IZUMO1R: variants seen among roughly 807,000 people sequenced by gnomAD.
IZUMO1R encodes the protein sperm-egg fusion protein Juno.
IZUMO1R carries 24 observed loss-of-function variants against 22.1 expected under a neutral mutation model. The observed-to-expected ratio is 1.09, with a 90% CI of 0.79 to 1.53. The LOEUF (loss-of-function observed/expected upper bound fraction) is 1.53, where lower values mean the gene tolerates loss of function less well. IZUMO1R is among the 40% of genes most tolerant of loss of function. The pLI is 0.00. For synonymous variants in IZUMO1R, 133 were observed against 121.2 expected (o/e 1.10, Z -0.64); for missense variants, 308 against 314.9 (o/e 0.98, Z 0.17).
At chr11:94,307,140 A>C (rs1024215521) in intron 3 of IZUMO1R, 25 bp from the exon 4 acceptor site, 1 of 1,576,960 alleles carries the variant, frequency 6.3e-7, no homozygotes, top group Non-Finnish European at 8.6e-7. Flanking sequence ...TTAATGTTCT[A>C]ATCTCTGGCT....
chr11:94,307,241 A>C lies in IZUMO1R; in HGVS notation c.425A>C (p.Asp142Ala), dbSNP rs933950417. The C allele has an allele frequency of 4.4e-6, 7 of 1,609,116 alleles. No homozygotes were observed. The African/African-American group carries it at 9.3e-5, about 21-fold the overall frequency. The change falls in exon 4 of 5, where the codon GAC (aspartate) becomes GCC (alanine). Residue 142 changes from aspartate (D) to alanine (A), a missense_variant. Physicochemically the swap from Asp to Ala is moderately radical, Grantham distance 126. Coordinates refer to ENST00000687084, the MANE Select transcript of IZUMO1R (RefSeq NM_001199206.4). ...CQEDCEEWWE[D>A]CRMSYTCKSN... ...GAGGACTGTGAGGAGTGGTGGGAAG[A>C]CTGTCGCATGTCTTACACATGCAAA... is the stretch of plus-strand genomic sequence containing the variant.
rs1331656188 is a variant in IZUMO1R, at chr11:94,306,703, T to C, written c.329T>C (p.Val110Ala). 1 of 1,613,904 alleles carries C rather than the reference T, an allele frequency of 6.2e-7. No homozygotes were observed. The highest frequency in any genetic ancestry group is 1.7e-5 in the Admixed American group (1 of 60,014). The change falls in exon 3 of 5, where the codon GTG becomes GCG. Residue 110 changes from valine to alanine, a missense_variant. Val to Ala is a moderately conservative substitution (Grantham distance 64, BLOSUM62 0). Transcript: ENST00000687084. ...AACCTGGGGCCCTGGATCCAGCCAG[T>C]GGGAAGCCTGGGGTGGGAGGTAGGA... ...SPNLGPWIQP[V>A]GSLGWEVAPS...
At chr11:94,305,219 A>T (rs1438257525) in intron 1 of IZUMO1R, among the ~76,000 whole-genome samples, 3 of 152,226 alleles carry the variant, frequency 2.0e-5, no homozygotes, top group East Asian at 1.9e-4. Context: ...TGGGTGCTTG[A>T]GGCCTGGGGC....
Position 94,305,694 on chromosome 11 carries a change from G to A in IZUMO1R, c.58G>A (p.Gly20Arg). 5.6e-6 allele frequency: 9 copies of A among 1,613,416 alleles called. No homozygotes were observed. Among genetic ancestry groups the A allele is most frequent in the Non-Finnish European group, 7.6e-6 (9 of 1,179,770 alleles). The change falls in exon 2 of 5, where the codon GGG becomes AGG. Residue 20 changes from glycine to arginine, a missense_variant. Physicochemically the swap from Gly to Arg is moderately radical, Grantham distance 125 (BLOSUM62 -2). Coordinates refer to ENST00000687084, the MANE Select transcript of IZUMO1R (RefSeq NM_001199206.4). Reference protein sequence around the residue: ...ELWTVMPTWAGDELLNICMNA... With the variant: ...ELWTVMPTWARDELLNICMNA... Reference sequence around the variant, plus strand: ...GTGGACAGTCATGCCCACCTGGGCTGGGGACGAGCTGCTCAACATCTGCAT... The same window carrying A: ...GTGGACAGTCATGCCCACCTGGGCTAGGGACGAGCTGCTCAACATCTGCAT...
rs1394551528 is a variant in IZUMO1R, at chr11:94,304,663, GT to G, written c.-220del. 3.9e-5 allele frequency among the ~76,000 whole-genome samples: 6 copies of G among 152,254 alleles called. No individual in the cohort carries two copies. In the South Asian group the frequency reaches 1.2e-3, roughly 32 times the overall value. ...CCGGATCTTGCCTACGATGGGGTCT[GT>G]TTCTCTGAGGAAGCAAACTTCCTCG... is the stretch of plus-strand genomic sequence containing the variant. On this transcript the variant is annotated 5_prime_UTR_variant, in exon 1 of 5. An upstream open reading frame in the 5' UTR gains an earlier in-frame stop. Coordinates refer to ENST00000687084, the MANE Select transcript of IZUMO1R (RefSeq NM_001199206.4).
rs764238787 is a variant in IZUMO1R at position 94,306,633 on chromosome 11, C to G, written c.259C>G (p.Arg87Gly). Residue 87 changes from arginine (R) to glycine (G), a missense_variant, in exon 3 of 5, where the codon CGG (arginine) becomes GGG (glycine). Physicochemically the swap from Arg to Gly is moderately radical, Grantham distance 125 (BLOSUM62 -2). Transcript: ENST00000687084. Reference sequence around the variant, plus strand: ...CTGTGGACTGCTGATGCCTGGCTGTCGGAAGCACTTCATCCAGGCTATCTG... The same window carrying G: ...CTGTGGACTGCTGATGCCTGGCTGTGGGAAGCACTTCATCCAGGCTATCTG... ...FHCGLLMPGC[R>G]KHFIQAICFY... 6.2e-7 allele frequency: 1 copy of G among 1,614,000 alleles called. No individual in the cohort carries two copies. The highest frequency in any genetic ancestry group is 1.7e-5 in the Admixed American group (1 of 60,022).
rs754365013 is a variant in IZUMO1R at position 94,307,210 on chromosome 11, T to C, written c.394T>C (p.Cys132Arg). ...AGAGCGAGTTGTGAATGTGCCGCTG[T>C]GCCAGGAGGACTGTGAGGAGTGGTG... ...QGERVVNVPL[C>R]QEDCEEWWED... The change falls in exon 4 of 5, where the codon TGC becomes CGC. Residue 132 changes from cysteine to arginine, a missense_variant. Cys to Arg is a radical substitution (Grantham distance 180). Coordinates refer to ENST00000687084, the MANE Select transcript of IZUMO1R (RefSeq NM_001199206.4). 6.2e-7 allele frequency: 1 copy of C among 1,605,384 alleles called. No homozygotes were observed. The highest frequency in any genetic ancestry group is 1.1e-5 in the South Asian group (1 of 89,248).
chr11:94,305,256 T>C (rs1944003155), intron 1 of IZUMO1R, among the ~76,000 whole-genome samples: 1 of 152,056 alleles, frequency 6.6e-6, no homozygotes, highest in African/African-American at 2.4e-5. Context: ...TTGTTTTGTC[T>C]CTCTTTCCAC....
intron 4 of IZUMO1R, 25 bp from the exon 5 acceptor site, chr11:94,307,399 G>A (rs373763749): frequency 6.2e-7 from 1 of 1,612,938 alleles, no homozygotes; most frequent in African/African-American, 1.3e-5. Flanking sequence ...TAGGAGGTAA[G>A]CTGTCCCTCC....
In IZUMO1R at chr11:94,305,738, G is replaced by C; in HGVS notation, c.102G>C (p.Lys34Asn). The C allele has an allele frequency of 6.2e-7, 1 of 1,613,458 alleles. No individual in the cohort carries two copies. The highest frequency in any genetic ancestry group is 8.5e-7 in the Non-Finnish European group (1 of 1,179,764). ...TCTGCATGAATGCCAAACACCACAAGAGAGTGCCCAGCCCAGAAGACAAGC... is the reference window on the plus strand; with the variant it reads ...TCTGCATGAATGCCAAACACCACAACAGAGTGCCCAGCCCAGAAGACAAGC... ...LNICMNAKHH[K>N]RVPSPEDKLY... Residue 34 changes from lysine to asparagine, a missense_variant, in exon 2 of 5, where the codon AAG becomes AAC. Lys to Asn is a moderately conservative substitution (Grantham distance 94). Coordinates refer to ENST00000687084, the MANE Select transcript of IZUMO1R (RefSeq NM_001199206.4).
At chr11:94,305,547 C>T (rs1399110390) in intron 1 of IZUMO1R, 84 bp from the exon 2 acceptor site, 1 of 1,507,462 alleles carries the variant, frequency 6.6e-7, no homozygotes, top group African/African-American at 1.4e-5. Context: ...TGAAGCCCAT[C>T]CCCCTTTCCC....
chr11:94,306,858 G>A lies in IZUMO1R; in HGVS notation c.348+136G>A. ...CCTATGGACAAGAGCAGAGCCAGAG[G>A]CCCCTGCTGGAGAATCACATGGGGG... is the stretch of plus-strand genomic sequence containing the variant. On this transcript the variant is annotated intron_variant, in intron 3 of 4. Transcript: ENST00000687084. 3 of 915,672 alleles carry A rather than the reference G, an allele frequency of 3.3e-6. No homozygotes were observed. In the Middle Eastern group the frequency reaches 9.8e-4, roughly 299 times the overall value. 56.7% of individuals were successfully genotyped at this position (915,672 alleles called of 1,614,324 possible). A position where few individuals can be genotyped will look rare whatever the true frequency, so the allele number is the denominator to read the frequency against.
At chr11:94,306,439 C>A in intron 2 of IZUMO1R, 74 bp from the exon 3 acceptor site, 1 of 1,421,326 alleles carries the variant, frequency 7.0e-7, no homozygotes, top group Non-Finnish European at 9.9e-7. Flanking sequence ...TTCATTTCAC[C>A]ACCTTTCTTC....
At position 94,307,214 on chromosome 11, in the gene IZUMO1R, A is replaced by C; in HGVS notation, c.398A>C (p.Gln133Pro). ...GERVVNVPLC[Q>P]EDCEEWWEDC... ...CGAGTTGTGAATGTGCCGCTGTGCC[A>C]GGAGGACTGTGAGGAGTGGTGGGAA... The change falls in exon 4 of 5, where the codon CAG (glutamine) becomes CCG (proline). Residue 133 changes from glutamine (Q) to proline (P), a missense_variant. Transcript: ENST00000687084. The C allele has an allele frequency of 1.2e-6, 2 of 1,606,140 alleles. No individual in the cohort carries two copies. The highest frequency in any genetic ancestry group is 1.7e-6 in the Non-Finnish European group (2 of 1,176,368).
At position 94,307,447 on chromosome 11, in the gene IZUMO1R, GCCC is replaced by G. The variant is rs1286504771; in HGVS notation, c.509_511del (p.Ala170_Gln171delinsGlu). On this transcript the variant is annotated inframe_deletion, in exon 5 of 5. Coordinates refer to ENST00000687084, the MANE Select transcript of IZUMO1R (RefSeq NM_001199206.4). ...AGGGAAGAACCGCTGCCCCAAAGGG[GCCC>G]AGTGCCTCCCTTTCTCCCATTACTT... The G allele has an allele frequency of 6.2e-7, 1 of 1,613,898 alleles. No homozygotes were observed.
chr11:94,307,361 G>A lies in IZUMO1R; in HGVS notation c.484+61G>A. The A allele has an allele frequency of 6.2e-6, 10 of 1,612,038 alleles. No individual in the cohort carries two copies. The South Asian group carries it at 9.9e-5, about 16-fold the overall frequency. ...GCCCCTTGGTGGTCCCCACAAGGGT[G>A]CAGGTGCAAAGGCTAGCAATGAGGG... On this transcript the variant is annotated intron_variant, in intron 4 of 4. Coordinates refer to ENST00000687084, the MANE Select transcript of IZUMO1R (RefSeq NM_001199206.4).
At position 94,305,729 on chromosome 11, in the gene IZUMO1R, ACAC is replaced by A. The variant is rs751755178; in HGVS notation, c.97_99del (p.His33del). 1.7e-5 allele frequency: 27 copies of A among 1,613,262 alleles called. 1 individual carries two copies. The highest frequency in any genetic ancestry group is 6.6e-5 in the South Asian group (6 of 91,036). Reference sequence around the variant, plus strand: ...TGCTCAACATCTGCATGAATGCCAAACACCACAAGAGAGTGCCCAGCCCAGAAG... The same window carrying A: ...TGCTCAACATCTGCATGAATGCCAAACACAAGAGAGTGCCCAGCCCAGAAG... On this transcript the variant is annotated inframe_deletion, in exon 2 of 5. Transcript: ENST00000687084.
chr11:94,306,097 C>T (rs1310264673), intron 2 of IZUMO1R, among the ~76,000 whole-genome samples: 1 of 151,826 alleles, frequency 6.6e-6, no homozygotes, highest in African/African-American at 2.4e-5. Flanking sequence ...GTGACCCCTC[C>T]CCAAGCTCCT....
chr11:94,307,393 A>C (rs1262184619), intron 4 of IZUMO1R, 31 bp from the exon 5 acceptor site: 2 of 1,612,718 alleles, frequency 1.2e-6, no homozygotes, highest in Non-Finnish European at 1.7e-6. Context: ...AGGGAGTAGG[A>C]GGTAAGCTGT....
Sources: gnomAD v4.1 joint callset for allele counts (sites outside exome capture counted in the v4.1 genomes callset) on GRCh38, gnomAD v4.1.1 for gene constraint, MANE v1.5 for transcripts, NCBI Gene and HGNC (gene_info 2026-07-23, HGNC 2026-07-21) for gene names.